TM9SF3: variants seen among roughly 807,000 people sequenced by gnomAD.
TM9SF3 encodes SM-11044-binding protein.
Under a neutral mutation model 78.6 loss-of-function variants are expected in TM9SF3, and 14 were observed. That is an observed-to-expected ratio of 0.18 (90% CI 0.12 to 0.28). The LOEUF is 0.28. TM9SF3 is among the 10% of genes least tolerant of loss of function. The pLI is 1.00. For missense variants in TM9SF3, 496 were observed against 721.9 expected (o/e 0.69, Z 3.59); for synonymous variants, 231 against 241.7 (o/e 0.96, Z 0.41).
intron 5 of TM9SF3, among the ~76,000 whole-genome samples, chr10:96,554,360 A>C (rs902175732): frequency 6.6e-6 from 1 of 152,112 alleles, no homozygotes; most frequent in African/African-American, 2.4e-5. Context: ...ACTTCCTCCA[A>C]AACACAATAC....
rs142152492 is a variant in TM9SF3 at position 96,576,455 on chromosome 10, C to T, written c.298+179G>A. On this transcript the variant is annotated intron_variant, in intron 2 of 14. Transcript: ENST00000371142. ...CTGGTGACTTTTTTGGTTTTCACAA[C>T]TGGAAGGTGCTACTGGCATCTGGGG... The T allele has an allele frequency of 1.6e-3, 732 of 451,272 alleles. 13 individuals carry two copies. In the East Asian group the frequency reaches 0.023, roughly 14 times the overall value. The allele number at this position is 451,272 out of a possible 1,614,324, so 28.0% of individuals were successfully genotyped here.
chr10:96,586,785 C>T lies in TM9SF3; in HGVS notation c.51G>A (p.Trp17Ter). Residue 17 changes from tryptophan to a stop codon, truncating the protein, a stop_gained, in exon 1 of 15, where the codon TGG (tryptophan) becomes TGA (stop). Coordinates refer to ENST00000371142, the MANE Select transcript of TM9SF3 (RefSeq NM_020123.4). LOFTEE classifies it high-confidence loss of function. ...ALGVAAAAAL[W>*]LLLLLLPRTR... Reference sequence around the variant, plus strand: ...TCCGGGGCAGCAGCAGCAGCAGCAGCCACAGCGCGGCGGCCGCCGCCACGC... The same window carrying T: ...TCCGGGGCAGCAGCAGCAGCAGCAGTCACAGCGCGGCGGCCGCCGCCACGC... The T allele has an allele frequency of 7.8e-7, 1 of 1,287,758 alleles. No individual in the cohort carries two copies. Among genetic ancestry groups the T allele is most frequent in the South Asian group, 2.5e-5 (1 of 40,388 alleles). 79.8% of individuals were successfully genotyped at this position (1,287,758 alleles called of 1,614,324 possible).
intron 5 of TM9SF3, among the ~76,000 whole-genome samples, chr10:96,557,744 C>A (rs945994551): frequency 1.3e-5 from 2 of 152,204 alleles, no homozygotes; most frequent in African/African-American, 4.8e-5. Context: ...TATCCACATT[C>A]TTTATTTCCT....
intron 4 of TM9SF3, chr10:96,560,448 C>G: frequency 1.3e-6 from 1 of 755,950 alleles, no homozygotes; most frequent in Non-Finnish European, 2.4e-6. Context: ...AACGGTTTCC[C>G]TTGGGGGCTT....
intron 5 of TM9SF3, among the ~76,000 whole-genome samples, chr10:96,557,944 G>GT (rs1403240004): frequency 3.3e-5 from 5 of 152,164 alleles, no homozygotes; most frequent in African/African-American, 9.7e-5. Context: ...TGACTAGAAC[G>GT]TAAGTTCCTA....
At chr10:96,563,662 G>A (rs1453860809) in intron 3 of TM9SF3, among the ~76,000 whole-genome samples, 1 of 152,216 alleles carries the variant, frequency 6.6e-6, no homozygotes, top group East Asian at 1.9e-4. Flanking sequence ...ACAGGCGTGA[G>A]CCACCGCGCC....
chr10:96,580,101 T>A (rs1460476635), intron 1 of TM9SF3, among the ~76,000 whole-genome samples: 1 of 152,200 alleles, frequency 6.6e-6, no homozygotes, highest in East Asian at 1.9e-4. Context: ...CATCTGAGGC[T>A]TCCCTGGGAA....
intron 5 of TM9SF3, among the ~76,000 whole-genome samples, chr10:96,557,140 T>C (rs1174655293): frequency 1.3e-5 from 2 of 152,218 alleles, no homozygotes; most frequent in Non-Finnish European, 2.9e-5. Context: ...ATATGATCTA[T>C]ATGCCAATTG....
chr10:96,581,287 C>G (rs2134162855), intron 1 of TM9SF3, among the ~76,000 whole-genome samples: 1 of 152,256 alleles, frequency 6.6e-6, no homozygotes, highest in Admixed American at 6.5e-5. Flanking sequence ...AGATAATATG[C>G]TGACGTGGTC....
intron 9 of TM9SF3, among the ~76,000 whole-genome samples, chr10:96,533,933 C>T (rs1439984711): frequency 6.6e-6 from 1 of 152,088 alleles, no homozygotes; most frequent in African/African-American, 2.4e-5. Flanking sequence ...CTTTTCCGGC[C>T]AACCATCTAA....
chr10:96,534,939 T>C (rs907570270), intron 9 of TM9SF3, among the ~76,000 whole-genome samples: 2 of 152,194 alleles, frequency 1.3e-5, no homozygotes, highest in Admixed American at 1.3e-4. Flanking sequence ...AGGCTTGTAA[T>C]GCTATATTGG....
chr10:96,575,742 A>G (rs975899953), intron 2 of TM9SF3, among the ~76,000 whole-genome samples: 6 of 151,964 alleles, frequency 3.9e-5, no homozygotes, highest in Admixed American at 2.6e-4. Flanking sequence ...AAAAAAAAAA[A>G]AGGAGGATTA....
intron 2 of TM9SF3, among the ~76,000 whole-genome samples, chr10:96,575,611 A>G (rs1848487930): frequency 6.6e-6 from 1 of 152,158 alleles, no homozygotes; most frequent in Non-Finnish European, 1.5e-5. Flanking sequence ...TCCTCAAAGT[A>G]CTAAATAATA....
At chr10:96,547,860 T>C (rs376634665) in intron 8 of TM9SF3, 35 bp downstream of exon 8, 10 of 1,516,436 alleles carry the variant, frequency 6.6e-6, no homozygotes, top group Non-Finnish European at 9.1e-6. Flanking sequence ...TTAGCATCTA[T>C]AATTAACAAC....
chr10:96,586,284 A>G (rs1848628548), intron 1 of TM9SF3, among the ~76,000 whole-genome samples: 1 of 152,182 alleles, frequency 6.6e-6, no homozygotes, highest in Admixed American at 6.5e-5. Context: ...TTTCCTGGTT[A>G]GTGGCTGCCG....
At chr10:96,586,394 C>A (rs563919378) in intron 1 of TM9SF3, among the ~76,000 whole-genome samples, 15 of 152,272 alleles carry the variant, frequency 9.9e-5, no homozygotes, top group Non-Finnish European at 1.6e-4. Flanking sequence ...CCAGCCTGCC[C>A]GTTGCCCCGC....
intron 14 of TM9SF3, among the ~76,000 whole-genome samples, 153 bp downstream of exon 14, chr10:96,527,060 G>A (rs1369371757): frequency 1.3e-5 from 2 of 151,996 alleles, no homozygotes; most frequent in African/African-American, 4.8e-5. Context: ...TTATGTTGTG[G>A]GGAAGAGTCA....
chr10:96,524,787 T>A (rs2134127775), intron 14 of TM9SF3, among the ~76,000 whole-genome samples: 1 of 152,054 alleles, frequency 6.6e-6, no homozygotes, highest in East Asian at 1.9e-4. Context: ...TTTAGCAACA[T>A]AAATTGATGG....
intron 1 of TM9SF3, among the ~76,000 whole-genome samples, chr10:96,582,949 A>C (rs1483203515): frequency 6.6e-6 from 1 of 151,912 alleles, no homozygotes; most frequent in Non-Finnish European, 1.5e-5. Flanking sequence ...GCACGGTAGC[A>C]CATGCCTGTA....
Sources: gnomAD v4.1 joint callset for allele counts (sites outside exome capture counted in the v4.1 genomes callset) on GRCh38, gnomAD v4.1.1 for gene constraint, MANE v1.5 for transcripts, NCBI Gene and HGNC (gene_info 2026-07-23, HGNC 2026-07-21) for gene names.